Variants in CCDC192 observed in about 807,000 individuals in gnomAD.
CCDC192 encodes the protein coiled-coil domain-containing protein 192.
chr5:127,730,094 G>GA (rs1752557430), intron 2 of CCDC192, among the ~76,000 whole-genome samples: 2 of 151,800 alleles, frequency 1.3e-5, no homozygotes, highest in African/African-American at 4.8e-5. Flanking sequence ...CTGCTTTTAT[G>GA]AAAAAATGAA....
chr5:127,846,251 T>G (rs1750528814), intron 5 of CCDC192, among the ~76,000 whole-genome samples: 1 of 147,384 alleles, frequency 6.8e-6, no homozygotes, highest in South Asian at 2.1e-4. Context: ...ATCGTGCCAC[T>G]GCACTCCAGC....
intron 6 of CCDC192, among the ~76,000 whole-genome samples, chr5:127,903,708 A>C (rs245221): frequency 6.6e-6 from 1 of 152,064 alleles, no homozygotes; most frequent in African/African-American, 2.4e-5. Flanking sequence ...AAAATAGCTG[A>C]TCATTACAAA....
chr5:127,769,893 T>C (rs959640938), intron 3 of CCDC192, among the ~76,000 whole-genome samples: 7 of 152,146 alleles, frequency 4.6e-5, no homozygotes, highest in Admixed American at 1.3e-4. Flanking sequence ...TCTTCCCAGT[T>C]ACTGGAAATT....
chr5:127,852,844 C>T lies in CCDC192; in HGVS notation c.412-22694C>T, dbSNP rs552790229. On this transcript the variant is annotated intron_variant, in intron 5 of 6. Coordinates refer to ENST00000514853, the MANE Select transcript of CCDC192 (RefSeq NM_001317938.2). ...GTGCGGTGGCTCACACCTGTAATCC[C>T]AGCACTCTGGGAGGCCGAGGCGGGC... 1.3e-3 allele frequency among the ~76,000 whole-genome samples: 197 copies of T among 152,284 alleles called. 1 individual carries two copies. The highest frequency in any genetic ancestry group is 4.7e-3 in the African/African-American group (194 of 41,546).
chr5:127,733,024 AAAG>A (rs1227326401), intron 2 of CCDC192, among the ~76,000 whole-genome samples: 1 of 152,200 alleles, frequency 6.6e-6, no homozygotes, highest in Non-Finnish European at 1.5e-5. Context: ...AATTTTTAAA[AAAG>A]AAGGTCAAGG....
At chr5:127,788,726 T>C (rs567083561) in intron 3 of CCDC192, among the ~76,000 whole-genome samples, 30 of 152,344 alleles carry the variant, frequency 2.0e-4, no homozygotes, top group Middle Eastern at 6.8e-3. Flanking sequence ...CCTGTAGGCC[T>C]CTTAGGTTCT....
At chr5:127,772,860 C>G (rs1235887791) in intron 3 of CCDC192, among the ~76,000 whole-genome samples, 1 of 152,020 alleles carries the variant, frequency 6.6e-6, no homozygotes, top group Non-Finnish European at 1.5e-5. Flanking sequence ...GAAAAAGACT[C>G]ATGGGAAATA....
intron 6 of CCDC192, among the ~76,000 whole-genome samples, chr5:127,894,761 A>G (rs1312970463): frequency 3.3e-5 from 5 of 152,236 alleles, no homozygotes; most frequent in Admixed American, 3.3e-4. Flanking sequence ...AATCTGTAAG[A>G]TTTTAGAACT....
intron 2 of CCDC192, among the ~76,000 whole-genome samples, chr5:127,752,698 G>A (rs1435614126): frequency 5.9e-5 from 9 of 152,188 alleles, no homozygotes; most frequent in Non-Finnish European, 4.4e-5. Flanking sequence ...AATGGCGGGC[G>A]CCCCTCCCCC....
chr5:127,743,414 C>T (rs1753541091), intron 2 of CCDC192, among the ~76,000 whole-genome samples: 1 of 152,182 alleles, frequency 6.6e-6, no homozygotes, highest in African/African-American at 2.4e-5. Context: ...CCATCTATTT[C>T]CTGCTGTCTT....
At position 127,797,229 on chromosome 5, in the gene CCDC192, G is replaced by C. The variant is rs2126968201; in HGVS notation, c.349G>C (p.Asp117His). Residue 117 changes from aspartate (D) to histidine (H), a missense_variant, in exon 4 of 7, where the codon GAC (aspartate) becomes CAC (histidine). By Grantham distance (81) the Asp-to-His change is moderately conservative. Coordinates refer to ENST00000514853, the MANE Select transcript of CCDC192 (RefSeq NM_001317938.2). ...ATATGAAAAAATGGTTCTTGTGAAA[G>C]ACCAGGTATGTTGTAGAACAAAGTC... The part of the protein sequence containing the change: ...GPYEKMVLVK[D>H]QCIQKLQAEV... The C allele has an allele frequency of 2.5e-6, 1 of 398,008 alleles. No individual in the cohort carries two copies. Among genetic ancestry groups the C allele is most frequent in the Non-Finnish European group, 4.4e-6 (1 of 225,380 alleles). The allele number at this position is 398,008 out of a possible 1,614,324, so 24.7% of individuals were successfully genotyped here.
intron 2 of CCDC192, among the ~76,000 whole-genome samples, chr5:127,718,030 A>AT (rs1751741381): frequency 6.6e-6 from 1 of 152,130 alleles, no homozygotes; most frequent in Admixed American, 6.5e-5. Context: ...CACTTTAATA[A>AT]TAAGTGCTAT....
chr5:127,914,681 G>T (rs1169269983), intron 6 of CCDC192, among the ~76,000 whole-genome samples: 1 of 152,216 alleles, frequency 6.6e-6, no homozygotes, highest in Non-Finnish European at 1.5e-5. Context: ...CGTGCTTGGA[G>T]ATAGGGTACA....
chr5:127,724,882 G>C (rs980597868), intron 2 of CCDC192, among the ~76,000 whole-genome samples: 4 of 149,950 alleles, frequency 2.7e-5, no homozygotes, highest in African/African-American at 4.9e-5. Flanking sequence ...GAAACGTCTA[G>C]TTTCAAATAT....
Position 127,733,979 on chromosome 5 carries a change from G to C in CCDC192, c.115-20289G>C, listed in dbSNP as rs374986892. Among the ~76,000 whole-genome samples, 28 of 150,410 alleles carry C rather than the reference G, an allele frequency of 1.9e-4. 1 individual carries two copies. The East Asian group carries it at 4.1e-3, about 22-fold the overall frequency. ...TTAGGGTACATGTGCACATTGTGCA[G>C]GTTAGTTACATATGTATACATGTGC... On this transcript the variant is annotated intron_variant, in intron 2 of 6. Coordinates refer to ENST00000514853, the MANE Select transcript of CCDC192 (RefSeq NM_001317938.2).
At chr5:127,784,879 A>G (rs985804458) in intron 3 of CCDC192, 1 of 454,282 alleles carries the variant, frequency 2.2e-6, no homozygotes, top group African/African-American at 2.0e-5. Flanking sequence ...GTTCAGTTTC[A>G]TGGGCACATT....
At chr5:127,752,109 T>C (rs1485123861) in intron 2 of CCDC192, among the ~76,000 whole-genome samples, 6 of 152,236 alleles carry the variant, frequency 3.9e-5, no homozygotes, top group African/African-American at 1.2e-4. Flanking sequence ...CCTTCTTCCC[T>C]CAGCTCATCA....
intron 2 of CCDC192, among the ~76,000 whole-genome samples, chr5:127,719,552 TATATATACACACATAC>T (rs796424824): frequency 0.071 from 1,724 of 24,250 alleles, 77 homozygotes; most frequent in South Asian, 0.13. Context: ...TATATATATA[TATATATACACACATAC>T]ATATATATAT....
intron 6 of CCDC192, among the ~76,000 whole-genome samples, chr5:127,892,110 A>G (rs181619316): frequency 3.6e-4 from 55 of 151,980 alleles, no homozygotes; most frequent in Non-Finnish European, 1.5e-4. Context: ...TACTAAGTCT[A>G]AAAAAAGCCA....
Sources: gnomAD v4.1 joint callset for allele counts (sites outside exome capture counted in the v4.1 genomes callset) on GRCh38, gnomAD v4.1.1 for gene constraint, MANE v1.5 for transcripts, NCBI Gene and HGNC (gene_info 2026-07-23, HGNC 2026-07-21) for gene names.